Variants in NRDE2 observed in about 807,000 individuals in gnomAD.
NRDE2 encodes NRDE-2, necessary for RNA interference, domain containing, also known as nuclear exosome regulator NRDE2.
Under a neutral mutation model 124.2 loss-of-function variants are expected in NRDE2, and 76 were observed. That is an observed-to-expected ratio of 0.61 (90% CI 0.51 to 0.74). The LOEUF is 0.74. NRDE2 is among the 30% of genes least tolerant of loss of function. NRDE2 has a pLI of 0.00. For missense variants in NRDE2, 1,314 were observed against 1,417.3 expected (o/e 0.93, Z 1.17); for synonymous variants, 489 against 528.1 (o/e 0.93, Z 1.01).
Position 90,273,215 on chromosome 14 carries a change from T to C in NRDE2, c.*5121A>G, listed in dbSNP as rs10143776. On this transcript the variant is annotated 3_prime_UTR_variant, in exon 14 of 14. Coordinates refer to ENST00000354366, the MANE Select transcript of NRDE2 (RefSeq NM_017970.4). ...GGGCCCACACTGAATGAGGAGTGTG[T>C]ATTAGTTTTCTGTTAATACTATAAC... 143,298 of 152,228 alleles carry C rather than the reference T, an allele frequency of 0.94. 67,992 individuals are homozygous for C. Among genetic ancestry groups the C allele is most frequent in the East Asian group, 1 (5,168 of 5,170 alleles). The allele number at this position is 152,228 out of a possible 1,614,324, so 9.4% of individuals were successfully genotyped here.
At position 90,288,955 on chromosome 14, in the gene NRDE2, A is replaced by G. The variant is rs779808166; in HGVS notation, c.2420T>C (p.Leu807Pro). Reference protein sequence around the residue: ...EDARKVFDTALGMAGSRELKD... With the variant: ...EDARKVFDTAPGMAGSRELKD... ...CAGTTCTCTGCTTCCTGCCATGCCAAGTGCTGTGTCAAAAACTTTTCTGGC... is the reference window on the plus strand; with the variant it reads ...CAGTTCTCTGCTTCCTGCCATGCCAGGTGCTGTGTCAAAAACTTTTCTGGC... The change falls in exon 11 of 14, where the codon CTT becomes CCT. Residue 807 changes from leucine (L) to proline (P), a missense_variant. By Grantham distance (98) the Leu-to-Pro change is moderately conservative. Transcript: ENST00000354366. 1.2e-6 allele frequency: 2 copies of G among 1,612,174 alleles called. No homozygotes were observed. The highest frequency in any genetic ancestry group is 2.2e-5 in the South Asian group (2 of 91,058).
rs770082147 is a variant in NRDE2 at position 90,316,682 on chromosome 14, C to A, written c.303G>T (p.Lys101Asn). 1.2e-6 allele frequency: 2 copies of A among 1,614,100 alleles called. No homozygotes were observed. The highest frequency in any genetic ancestry group is 1.7e-6 in the Non-Finnish European group (2 of 1,180,010). ...ACCTGCTGCTACTCGACGGCCCATG[C>A]TTCCTCTTTGTTTTCTTATGATGCT... ...KHQHHKKTKR[K>N]HGPSSSSRSE... Residue 101 changes from lysine to asparagine, a missense_variant, in exon 3 of 14, where the codon AAG becomes AAT. By Grantham distance (94) the Lys-to-Asn change is moderately conservative. Transcript: ENST00000354366.
At chr14:90,298,465 G>C in intron 7 of NRDE2, 85 bp from the exon 8 acceptor site, 1 of 1,345,338 alleles carries the variant, frequency 7.4e-7, no homozygotes, top group Non-Finnish European at 1.1e-6. Context: ...GTGGATATAA[G>C]AGAAGCTTAT....
intron 7 of NRDE2, among the ~76,000 whole-genome samples, chr14:90,298,845 C>T (rs1053802513): frequency 5.3e-5 from 8 of 152,186 alleles, no homozygotes; most frequent in Non-Finnish European, 8.8e-5. Flanking sequence ...GAGCTAATTC[C>T]TAAAGTCATG....
At chr14:90,308,623 C>A (rs1040107142) in intron 4 of NRDE2, among the ~76,000 whole-genome samples, 1 of 152,128 alleles carries the variant, frequency 6.6e-6, no homozygotes, top group African/African-American at 2.4e-5. Context: ...AAATCCTAAC[C>A]GTTCACCTTC....
At position 90,288,456 on chromosome 14, in the gene NRDE2, C is replaced by G. The variant is rs374091042; in HGVS notation, c.2919G>C (p.Met973Ile). ...LMHTSLLRFH[M>I]KVSVYPLAPL... is the part of the protein sequence containing the mutation. ...GGGCCAGCGGGTAAACACTCACTTT[C>G]ATGTGGAATCTCAGCAGGCTCGTGT... The change falls in exon 11 of 14, where the codon ATG becomes ATC. Residue 973 changes from methionine (M) to isoleucine (I), a missense_variant. By Grantham distance (10) the Met-to-Ile change is conservative. Transcript: ENST00000354366. The G allele has an allele frequency of 3.7e-6, 6 of 1,614,164 alleles. No individual in the cohort carries two copies. The South Asian group carries it at 6.6e-5, about 18-fold the overall frequency.
intron 12 of NRDE2, among the ~76,000 whole-genome samples, chr14:90,285,893 C>T (rs1031419508): frequency 3.3e-5 from 5 of 152,150 alleles, no homozygotes; most frequent in Non-Finnish European, 7.4e-5. Flanking sequence ...CCTTGGCCTC[C>T]GAAAGTGCTG....
rs1328632986 is a variant in NRDE2 at position 90,289,051 on chromosome 14, T to C, written c.2324A>G (p.Glu775Gly). 6.2e-7 allele frequency: 1 copy of C among 1,614,074 alleles called. No individual in the cohort carries two copies. The highest frequency in any genetic ancestry group is 1.3e-5 in the African/African-American group (1 of 74,942). The change falls in exon 11 of 14, where the codon GAA (glutamate) becomes GGA (glycine). Residue 775 changes from glutamate to glycine, a missense_variant. Glu to Gly is a moderately conservative substitution (Grantham distance 98). Coordinates refer to ENST00000354366, the MANE Select transcript of NRDE2 (RefSeq NM_017970.4). ...KLAKNLLKEP[E>G]NCNNFCLWKQ... ...CCACAGGCAAAAGTTGTTGCAGTTT[T>C]CTGGCTCCTTAAGGAGATTCTTGGC...
intron 8 of NRDE2, among the ~76,000 whole-genome samples, chr14:90,294,391 A>G (rs1417476648): frequency 2.6e-5 from 4 of 152,090 alleles, no homozygotes; most frequent in Non-Finnish European, 5.9e-5. Context: ...AGTCTCAAAC[A>G]GATACTGTAC....
intron 12 of NRDE2, 85 bp downstream of exon 12, chr14:90,286,269 A>G (rs1892098667): frequency 2.7e-5 from 40 of 1,475,002 alleles, no homozygotes; most frequent in Non-Finnish European, 3.6e-5. Flanking sequence ...GGCAGGGGCT[A>G]CTTCTCATTT....
rs1007252116 is a variant in NRDE2 at position 90,276,841 on chromosome 14, T to C, written c.*1495A>G. 1 of 152,142 alleles carries C rather than the reference T, an allele frequency of 6.6e-6. No individual in the cohort carries two copies. The highest frequency in any genetic ancestry group is 1.9e-4 in the East Asian group (1 of 5,160). The allele number at this position is 152,142 out of a possible 1,614,324, so 9.4% of individuals were successfully genotyped here. A position where few individuals can be genotyped will look rare whatever the true frequency, so the allele number is the denominator to read the frequency against. ...GCGCCAGCTGCTGTCATGGGGAGCATGGTTTGGTCCTGGACTTCCTACTCC... is the reference window on the plus strand; with the variant it reads ...GCGCCAGCTGCTGTCATGGGGAGCACGGTTTGGTCCTGGACTTCCTACTCC... On this transcript the variant is annotated 3_prime_UTR_variant, in exon 14 of 14. Transcript: ENST00000354366.
chr14:90,328,606 G>A (rs1241251130), intron 1 of NRDE2, among the ~76,000 whole-genome samples: 2 of 152,112 alleles, frequency 1.3e-5, no homozygotes, highest in African/African-American at 2.4e-5. Context: ...AACAGAGAAC[G>A]TTAGACAGGG....
At chr14:90,303,763 A>G (rs1320942137) in intron 5 of NRDE2, among the ~76,000 whole-genome samples, 172 bp downstream of exon 5, 1 of 152,070 alleles carries the variant, frequency 6.6e-6, no homozygotes, top group Non-Finnish European at 1.5e-5. Flanking sequence ...TCGCATGTCC[A>G]TTTTCCTCAT....
At chr14:90,314,661 G>C (rs1055128067) in intron 3 of NRDE2, among the ~76,000 whole-genome samples, 2 of 152,180 alleles carry the variant, frequency 1.3e-5, no homozygotes, top group African/African-American at 2.4e-5. Context: ...AATTAAAGTA[G>C]CTTGCTTTAA....
rs1323128752 is a variant in NRDE2, at chr14:90,270,666, G to T, written c.*7670C>A. 8.9e-6 allele frequency: 2 copies of T among 224,654 alleles called. No individual in the cohort carries two copies. Among genetic ancestry groups the T allele is most frequent in the Non-Finnish European group, 1.7e-5 (2 of 114,822 alleles). 13.9% of individuals were successfully genotyped at this position (224,654 alleles called of 1,614,324 possible). A position where few individuals can be genotyped will look rare whatever the true frequency, so the allele number is the denominator to read the frequency against. ...CTGCTCAGTCCCAGGTCAGGGGAAGGGTATGTCCTGGGAGAACTCTCCCCA... is the reference window on the plus strand; with the variant it reads ...CTGCTCAGTCCCAGGTCAGGGGAAGTGTATGTCCTGGGAGAACTCTCCCCA... On this transcript the variant is annotated 3_prime_UTR_variant, in exon 14 of 14. Coordinates refer to ENST00000354366, the MANE Select transcript of NRDE2 (RefSeq NM_017970.4).
Position 90,278,443 on chromosome 14 carries a change from C to G in NRDE2, c.3388G>C (p.Val1130Leu). 6.2e-7 allele frequency: 1 copy of G among 1,614,112 alleles called. No homozygotes were observed. Among genetic ancestry groups the G allele is most frequent in the Non-Finnish European group, 8.5e-7 (1 of 1,179,964 alleles). The change falls in exon 14 of 14, where the codon GTG becomes CTG. Residue 1130 changes from valine (V) to leucine (L), a missense_variant. Val to Leu is a conservative substitution (Grantham distance 32, BLOSUM62 1). Coordinates refer to ENST00000354366, the MANE Select transcript of NRDE2 (RefSeq NM_017970.4). Reference sequence around the variant, plus strand: ...TGCATCTCATCGGGGAAATACTCCACGGCGTCCAGGTACAACACCTAGGGG... The same window carrying G: ...TGCATCTCATCGGGGAAATACTCCAGGGCGTCCAGGTACAACACCTAGGGG... ...PWAKVLYLDA[V>L]EYFPDEMQEI... is the part of the protein sequence containing the mutation.
chr14:90,281,985 T>C (rs972367883), intron 12 of NRDE2, among the ~76,000 whole-genome samples: 1 of 152,212 alleles, frequency 6.6e-6, no homozygotes, highest in African/African-American at 2.4e-5. Flanking sequence ...GAACAAATTA[T>C]ACTAGAGGGT....
At chr14:90,327,673 A>AC (rs1411722910) in intron 1 of NRDE2, among the ~76,000 whole-genome samples, 2 of 152,178 alleles carry the variant, frequency 1.3e-5, no homozygotes, top group African/African-American at 4.8e-5. Flanking sequence ...AGTTACTGGG[A>AC]CCCCCAACTC....
chr14:90,293,057 AAAGG>A (rs1297128716), intron 8 of NRDE2, among the ~76,000 whole-genome samples, 185 bp from the exon 9 acceptor site: 1 of 152,184 alleles, frequency 6.6e-6, no homozygotes, highest in Non-Finnish European at 1.5e-5. Context: ...CTCAGGAAGC[AAAGG>A]AAGACAAGGT....
Sources: gnomAD v4.1 joint callset for allele counts (sites outside exome capture counted in the v4.1 genomes callset) on GRCh38, gnomAD v4.1.1 for gene constraint, MANE v1.5 for transcripts, NCBI Gene and HGNC (gene_info 2026-07-23, HGNC 2026-07-21) for gene names.